Variants in SKAP2 observed in about 807,000 individuals in gnomAD.
SKAP2 encodes src kinase-associated phosphoprotein 2.
A neutral mutation model predicts 54.9 loss-of-function variants in SKAP2; 28 were observed. The ratio of observed to expected loss-of-function variants is 0.51; its 90% CI spans 0.38 to 0.70. The LOEUF (loss-of-function observed/expected upper bound fraction) is 0.70, where lower values mean the gene tolerates loss of function less well. Ranked by LOEUF, SKAP2 falls within the 30% of genes least tolerant of loss-of-function variation. The pLI is 0.00. For missense variants in SKAP2, 356 were observed against 424.1 expected, an observed-to-expected ratio of 0.84 and a Z score of 1.41; for synonymous variants, 137 against 134.3, an observed-to-expected ratio of 1.02 and a Z score of -0.14.
In SKAP2 at chr7:26,684,818, T is replaced by G; in HGVS notation, c.905A>C (p.Tyr302Ser). 6.2e-7 allele frequency: 1 copy of G among 1,612,134 alleles called. No homozygotes were observed. Among genetic ancestry groups the G allele is most frequent in the Non-Finnish European group, 8.5e-7 (1 of 1,178,512 alleles). ...TCCAGTACAATCCCACAATCCCTGG[T>G]AAAAATTAGCATAATCAGTGCTCTT... Reference protein sequence around the residue: ...GDKSTDYANFYQGLWDCTGAF... With the variant: ...GDKSTDYANFSQGLWDCTGAF... The change falls in exon 11 of 13, where the codon TAC becomes TCC. Residue 302 changes from tyrosine (Y) to serine (S), a missense_variant. Transcript: ENST00000345317.
intron 7 of SKAP2, among the ~76,000 whole-genome samples, chr7:26,726,474 C>G (rs1026880395): frequency 1.3e-5 from 2 of 152,098 alleles, no homozygotes; most frequent in African/African-American, 4.8e-5. Context: ...CTGATGTGTA[C>G]TTTTACCTTC....
Position 26,668,665 on chromosome 7 carries a change from T to TG in SKAP2, c.*1000_*1001insC, listed in dbSNP as rs1554291868. The TG allele has an allele frequency of 6.7e-6, 1 of 149,628 alleles. No individual in the cohort carries two copies. Among genetic ancestry groups the TG allele is most frequent in the Non-Finnish European group, 1.5e-5 (1 of 67,396 alleles). The allele number at this position is 149,628 out of a possible 1,614,324, so 9.3% of individuals were successfully genotyped here. On this transcript the variant is annotated 3_prime_UTR_variant, in exon 13 of 13. Transcript: ENST00000345317. ...TTTGAGAATACACTGAGATTCTGTT[T>TG]TTTTTTTTTTTTTTTTCTGAGATGG...
chr7:26,772,942 C>T (rs138139549), intron 4 of SKAP2, among the ~76,000 whole-genome samples: 88 of 152,298 alleles, frequency 5.8e-4, no homozygotes, highest in African/African-American at 1.9e-3. Context: ...CCAGTGAGAT[C>T]GCTAACTCTG....
rs760621242 is a variant in SKAP2 at position 26,668,109 on chromosome 7, A to T, written c.*1557T>A. ...ATCATGATATTGAGGGGGTAATGGT[A>T]AAGCAGACCCTCTCAAACACTGCTT... is the stretch of plus-strand genomic sequence containing the variant. On this transcript the variant is annotated 3_prime_UTR_variant, in exon 13 of 13. Coordinates refer to ENST00000345317, the MANE Select transcript of SKAP2 (RefSeq NM_003930.5). 3 of 152,096 alleles carry T rather than the reference A, an allele frequency of 2.0e-5. No homozygotes were observed. The highest frequency in any genetic ancestry group is 4.4e-5 in the Non-Finnish European group (3 of 68,014). 9.4% of individuals were successfully genotyped at this position (152,096 alleles called of 1,614,324 possible).
intron 6 of SKAP2, among the ~76,000 whole-genome samples, chr7:26,731,990 A>C (rs1562590668): frequency 6.6e-6 from 1 of 152,206 alleles, no homozygotes; most frequent in South Asian, 2.1e-4. Context: ...TATTGCAACC[A>C]AATAATTCCA....
At chr7:26,726,355 C>G (rs1787709113) in intron 7 of SKAP2, among the ~76,000 whole-genome samples, 2 of 152,154 alleles carry the variant, frequency 1.3e-5, no homozygotes, top group African/African-American at 4.8e-5. Context: ...TTCCAACACA[C>G]TACCTGACAA....
chr7:26,751,513 G>A (rs961716312), intron 4 of SKAP2, among the ~76,000 whole-genome samples: 2 of 152,032 alleles, frequency 1.3e-5, no homozygotes, highest in Non-Finnish European at 2.9e-5. Flanking sequence ...ATTTAAGAAG[G>A]AAACTATCTA....
In SKAP2 at chr7:26,801,219, C is replaced by T. The variant is rs987236618; in HGVS notation, c.307+42811G>A. On this transcript the variant is annotated intron_variant, in intron 4 of 12. Coordinates refer to ENST00000345317, the MANE Select transcript of SKAP2 (RefSeq NM_003930.5). ...GGCTCAACATATACAAATCAATCAA[C>T]ATGATACATCATATCAATAGAATGA... Among the ~76,000 whole-genome samples, 98 of 152,116 alleles carry T rather than the reference C, an allele frequency of 6.4e-4. 1 individual carries two copies. Among genetic ancestry groups the T allele is most frequent in the Non-Finnish European group, 1.3e-4 (9 of 68,014 alleles).
intron 9 of SKAP2, among the ~76,000 whole-genome samples, chr7:26,722,370 A>G (rs889320654): frequency 6.7e-6 from 1 of 148,994 alleles, no homozygotes; most frequent in African/African-American, 2.5e-5. Context: ...TTTTCAAGGG[A>G]TATTATGCAA....
chr7:26,848,979 C>T (rs1051034685), intron 3 of SKAP2, among the ~76,000 whole-genome samples: 2 of 152,172 alleles, frequency 1.3e-5, no homozygotes, highest in African/African-American at 4.8e-5. Flanking sequence ...TACTACAGGT[C>T]CCATCATTTC....
chr7:26,831,982 C>CCG (rs1784605223), intron 4 of SKAP2, among the ~76,000 whole-genome samples: 1 of 152,150 alleles, frequency 6.6e-6, no homozygotes, highest in Admixed American at 6.5e-5. Flanking sequence ...CCTTGTCCCT[C>CCG]ATTCCCTTAA....
At chr7:26,857,329 A>AAAAAC (rs1554309147) in intron 1 of SKAP2, 33 of 268,506 alleles carry the variant, frequency 1.2e-4, no homozygotes, top group African/African-American at 7.8e-4. Flanking sequence ...AAAAAAAAAA[A>AAAAAC]AAAAAACTTT....
chr7:26,818,355 T>C (rs1401583924), intron 4 of SKAP2, among the ~76,000 whole-genome samples: 1 of 152,180 alleles, frequency 6.6e-6, no homozygotes, highest in East Asian at 1.9e-4. Flanking sequence ...CCCTATTTAA[T>C]AAATGGTGTT....
chr7:26,774,724 A>C (rs1008199488), intron 4 of SKAP2, among the ~76,000 whole-genome samples: 1 of 152,168 alleles, frequency 6.6e-6, no homozygotes, highest in Non-Finnish European at 1.5e-5. Context: ...AAGATACACT[A>C]TAAATAGTAA....
intron 9 of SKAP2, among the ~76,000 whole-genome samples, chr7:26,696,323 G>C (rs879721697): frequency 1.7e-4 from 26 of 152,166 alleles, no homozygotes; most frequent in African/African-American, 5.5e-4. Context: ...AGCATAGTTA[G>C]AGTCATGTTT....
intron 4 of SKAP2, among the ~76,000 whole-genome samples, chr7:26,770,948 G>GA (rs528284218): frequency 1.3e-4 from 19 of 147,140 alleles, no homozygotes; most frequent in South Asian, 1.1e-3. Flanking sequence ...ACATGTCTGA[G>GA]AAAAAAAAAA....
chr7:26,664,922 G>A (rs1786079452), downstream of SKAP2, among the ~76,000 whole-genome samples: 1 of 152,114 alleles, frequency 6.6e-6, no homozygotes, highest in African/African-American at 2.4e-5. Context: ...GCAGTGGTAT[G>A]ACTAAGGCGA....
At chr7:26,782,603 A>G (rs1252289672) in intron 4 of SKAP2, among the ~76,000 whole-genome samples, 2 of 152,088 alleles carry the variant, frequency 1.3e-5, no homozygotes, top group Non-Finnish European at 2.9e-5. Context: ...AGGTGGGTAG[A>G]TCACTTGAGT....
chr7:26,827,486 T>C (rs1415203464), intron 4 of SKAP2, among the ~76,000 whole-genome samples: 1 of 152,154 alleles, frequency 6.6e-6, no homozygotes, highest in East Asian at 1.9e-4. Context: ...AGTTTCTCCA[T>C]AGTGAAAATA....
Sources: allele counts gnomAD v4.1 joint callset (sites outside exome capture counted in the v4.1 genomes callset), GRCh38; gene constraint gnomAD v4.1.1; transcripts MANE v1.5; gene names NCBI Gene and HGNC (gene_info 2026-07-23, HGNC 2026-07-21).